ADK: variants seen among roughly 807,000 people sequenced by gnomAD.
ADK encodes N6,N6-dimethyladenosine kinase.
In ADK, 24 loss-of-function variants were observed where a neutral mutation model predicts 44.7. The observed-to-expected ratio is 0.54, with a 90% CI of 0.39 to 0.76. ADK has a LOEUF of 0.76. Ranked by LOEUF, ADK falls within the 30% of genes least tolerant of loss-of-function variation. ADK has a pLI of 0.00. For synonymous variants in ADK, 128 were observed against 142.6 expected, an observed-to-expected ratio of 0.90 and a Z score of 0.73; for missense variants, 321 against 425.1, an observed-to-expected ratio of 0.76 and a Z score of 2.15.
intron 4 of ADK, among the ~76,000 whole-genome samples, chr10:74,326,199 T>G (rs1564655036): frequency 6.6e-6 from 1 of 152,164 alleles, no homozygotes; most frequent in Non-Finnish European, 1.5e-5. Flanking sequence ...TGTGTCCTTG[T>G]TAGGTTTTGG....
At chr10:74,155,067 C>T (rs1289770643) in intron 1 of ADK, among the ~76,000 whole-genome samples, 1 of 152,222 alleles carries the variant, frequency 6.6e-6, no homozygotes, top group African/African-American at 2.4e-5. Context: ...AAACAAACTA[C>T]AGTTCTCTAA....
chr10:74,263,500 C>G (rs1846113852), intron 3 of ADK, among the ~76,000 whole-genome samples: 2 of 152,096 alleles, frequency 1.3e-5, no homozygotes, highest in African/African-American at 4.8e-5. Flanking sequence ...AAACAAACAC[C>G]CATGTACCCA....
intron 2 of ADK, among the ~76,000 whole-genome samples, chr10:74,211,081 C>T (rs2132191286): frequency 1.3e-5 from 2 of 152,244 alleles, no homozygotes; most frequent in Middle Eastern, 3.4e-3. Flanking sequence ...GACGGGGTTT[C>T]ACCATGTTGA....
intron 4 of ADK, among the ~76,000 whole-genome samples, chr10:74,368,496 G>A (rs1842563030): frequency 6.6e-6 from 1 of 151,790 alleles, no homozygotes; most frequent in African/African-American, 2.4e-5. Flanking sequence ...GAGGCTGTGT[G>A]TCATTTACCT....
At chr10:74,555,354 T>C (rs143926738) in intron 7 of ADK, among the ~76,000 whole-genome samples, 10 of 152,364 alleles carry the variant, frequency 6.6e-5, no homozygotes, top group African/African-American at 2.2e-4. Flanking sequence ...TTGTTGTTTT[T>C]TTTTATGTCA....
At chr10:74,658,255 G>GA (rs1335289684) in intron 9 of ADK, among the ~76,000 whole-genome samples, 1 of 152,108 alleles carries the variant, frequency 6.6e-6, no homozygotes, top group Non-Finnish European at 1.5e-5. Flanking sequence ...GCAATCATCA[G>GA]AAAAAAATAT....
chr10:74,570,289 AG>A (rs1402717224), intron 7 of ADK, among the ~76,000 whole-genome samples: 1 of 152,150 alleles, frequency 6.6e-6, no homozygotes, highest in African/African-American at 2.4e-5. Context: ...ACTTTAAAGT[AG>A]TTTTTTCCAA....
chr10:74,181,074 A>G (rs1177631883), intron 1 of ADK, among the ~76,000 whole-genome samples: 1 of 152,232 alleles, frequency 6.6e-6, no homozygotes, highest in Non-Finnish European at 1.5e-5. Flanking sequence ...AAATTTACCT[A>G]TCTAATTTTC....
chr10:74,624,760 A>G (rs912262044), intron 9 of ADK, among the ~76,000 whole-genome samples: 7 of 152,040 alleles, frequency 4.6e-5, no homozygotes, highest in Admixed American at 4.6e-4. Context: ...ATACTAGGAC[A>G]GTTCTGGGCA....
At chr10:74,502,914 C>G (rs1383304819) in intron 6 of ADK, among the ~76,000 whole-genome samples, 3 of 152,182 alleles carry the variant, frequency 2.0e-5, no homozygotes, top group Non-Finnish European at 4.4e-5. Context: ...TTCTTTCTCT[C>G]TAAATCTGCC....
chr10:74,241,479 G>C (rs575793984), intron 3 of ADK, among the ~76,000 whole-genome samples: 1 of 152,110 alleles, frequency 6.6e-6, no homozygotes, highest in Admixed American at 6.5e-5. Context: ...TCTATCTCCC[G>C]GGTTCAAGCA....
chr10:74,176,942 GC>G (rs1275090735), intron 1 of ADK: 2 of 1,602,878 alleles, frequency 1.2e-6, no homozygotes, highest in East Asian at 4.5e-5. Context: ...CCTCCCGAGC[GC>G]GTGAGCACTG....
intron 3 of ADK, among the ~76,000 whole-genome samples, chr10:74,241,222 A>G (rs1180566012): frequency 6.6e-6 from 1 of 152,224 alleles, no homozygotes; most frequent in Non-Finnish European, 1.5e-5. Flanking sequence ...TTTACTTTTT[A>G]GAGCTGTTTT....
intron 3 of ADK, among the ~76,000 whole-genome samples, chr10:74,300,321 TCC>T (rs1322076035): frequency 6.4e-4 from 76 of 119,268 alleles, no homozygotes; most frequent in Non-Finnish European, 1.2e-3. Flanking sequence ...TTTCCTTCCT[TCC>T]TTCCTTCCTT....
At chr10:74,666,451 G>A (rs1854958900) in intron 9 of ADK, among the ~76,000 whole-genome samples, 1 of 152,062 alleles carries the variant, frequency 6.6e-6, no homozygotes, top group African/African-American at 2.4e-5. Flanking sequence ...CCAGAAAGTA[G>A]GAATAATAAT....
At chr10:74,349,670 A>G (rs111931728) in intron 4 of ADK, among the ~76,000 whole-genome samples, 4,067 of 152,214 alleles carry the variant, frequency 0.027, 165 homozygotes, top group African/African-American at 0.081. Flanking sequence ...CAGGAGACCC[A>G]TCTCACTTGC....
chr10:74,209,792 A>G (rs1318398048), intron 2 of ADK, among the ~76,000 whole-genome samples: 1 of 152,188 alleles, frequency 6.6e-6, no homozygotes, highest in Non-Finnish European at 1.5e-5. Context: ...AATCTTTTCT[A>G]GTAAACTGTA....
At position 74,460,159 on chromosome 10, in the gene ADK, T is replaced by C. The variant is rs538671979; in HGVS notation, c.555+61580T>C. ...CCTAACGGCAAAAGGGCACCTGCTA[T>C]TGAGCGTGCTTTGAGCGTTATTCTC... On this transcript the variant is annotated intron_variant, in intron 6 of 10. Coordinates refer to ENST00000539909, the MANE Select transcript of ADK (RefSeq NM_006721.4). Among the ~76,000 whole-genome samples the C allele has an allele frequency of 5.1e-4, 78 of 152,218 alleles. 1 individual carries two copies. Among genetic ancestry groups the C allele is most frequent in the Admixed American group, 1.4e-3 (21 of 15,288 alleles).
intron 6 of ADK, among the ~76,000 whole-genome samples, chr10:74,468,151 TAA>T (rs1846427647): frequency 6.6e-6 from 1 of 152,204 alleles, no homozygotes; most frequent in Non-Finnish European, 1.5e-5. Context: ...CAAGTAGTAT[TAA>T]AAGGCCCTTA....
Sources: allele counts gnomAD v4.1 joint callset (sites outside exome capture counted in the v4.1 genomes callset), GRCh38; gene constraint gnomAD v4.1.1; transcripts MANE v1.5; gene names NCBI Gene and HGNC (gene_info 2026-07-23, HGNC 2026-07-21).